PHACTR1: variants seen among roughly 807,000 people sequenced by gnomAD.
PHACTR1 encodes RPEL repeat containing 1.
In PHACTR1, 16 loss-of-function variants were observed where a neutral mutation model predicts 69.2. The observed-to-expected ratio is 0.23, with a 90% CI of 0.16 to 0.35. PHACTR1 has a LOEUF of 0.35. PHACTR1 is among the 10% of genes least tolerant of loss of function. PHACTR1 has a pLI of 1.00. For missense variants in PHACTR1, 510 were observed against 734.7 expected, an observed-to-expected ratio of 0.69 and a Z score of 3.54; for synonymous variants, 312 against 284.5, an observed-to-expected ratio of 1.10 and a Z score of -0.97.
At chr6:12,987,546 G>T (rs142644399) in intron 4 of PHACTR1, among the ~76,000 whole-genome samples, 15 of 152,248 alleles carry the variant, frequency 9.9e-5, no homozygotes, top group African/African-American at 2.9e-4. Flanking sequence ...AGAGATTAAG[G>T]CAGCTTCTAG....
chr6:12,868,749 G>A (rs960884363), intron 4 of PHACTR1, among the ~76,000 whole-genome samples: 86 of 152,092 alleles, frequency 5.7e-4, no homozygotes, highest in African/African-American at 2.0e-3. Context: ...TGTAGCAACA[G>A]TTTATGAAAA....
At chr6:13,248,038 AT>A (rs1356423355) in intron 10 of PHACTR1, among the ~76,000 whole-genome samples, 5 of 152,160 alleles carry the variant, frequency 3.3e-5, no homozygotes, top group Non-Finnish European at 7.4e-5. Context: ...CTGCCTTTAT[AT>A]TCATGGAACT....
At chr6:13,160,405 A>G (rs1174915781) in intron 6 of PHACTR1, 121 bp downstream of exon 6, 2 of 864,462 alleles carry the variant, frequency 2.3e-6, no homozygotes, top group East Asian at 2.5e-5. Context: ...AACCATTAAA[A>G]CTCCAGACAG....
At chr6:13,211,476 G>T (rs1170753236) in intron 8 of PHACTR1, among the ~76,000 whole-genome samples, 2 of 152,120 alleles carry the variant, frequency 1.3e-5, no homozygotes, top group African/African-American at 4.8e-5. Flanking sequence ...CTGTGTTCCA[G>T]TCTCCTATTA....
chr6:12,873,372 C>A (rs1257621579), intron 4 of PHACTR1, among the ~76,000 whole-genome samples: 1 of 151,938 alleles, frequency 6.6e-6, no homozygotes, highest in Non-Finnish European at 1.5e-5. Flanking sequence ...AAGCAATAAA[C>A]ATTTATCAAT....
chr6:12,941,286 A>G (rs1315992446), intron 4 of PHACTR1, among the ~76,000 whole-genome samples: 2 of 152,142 alleles, frequency 1.3e-5, no homozygotes, highest in East Asian at 1.9e-4. Flanking sequence ...CAGGTACTTG[A>G]TATTTAACCT....
At chr6:13,109,814 C>T (rs1223564528) in intron 5 of PHACTR1, among the ~76,000 whole-genome samples, 2 of 148,834 alleles carry the variant, frequency 1.3e-5, no homozygotes, top group Non-Finnish European at 3.0e-5. Context: ...ATCACTTAGC[C>T]TCTGTTCAAT....
At chr6:13,089,459 C>T (rs540186563) in intron 5 of PHACTR1, among the ~76,000 whole-genome samples, 42 of 152,262 alleles carry the variant, frequency 2.8e-4, no homozygotes, top group African/African-American at 9.4e-4. Context: ...TCTCAGTGTG[C>T]AGCCAGGAAT....
At chr6:13,062,584 G>T (rs566854485) in intron 5 of PHACTR1, among the ~76,000 whole-genome samples, 10 of 152,224 alleles carry the variant, frequency 6.6e-5, no homozygotes, top group Admixed American at 3.3e-4. Context: ...TGGACCTGAT[G>T]GTGATAGGCT....
At chr6:13,203,715 T>G (rs1347646174) in intron 7 of PHACTR1, among the ~76,000 whole-genome samples, 1 of 152,006 alleles carries the variant, frequency 6.6e-6, no homozygotes, top group Non-Finnish European at 1.5e-5. Flanking sequence ...TGAGGGAAAG[T>G]GACATGCAAA....
intron 4 of PHACTR1, among the ~76,000 whole-genome samples, chr6:13,037,878 C>T (rs775224693): frequency 6.6e-6 from 1 of 152,112 alleles, no homozygotes; most frequent in African/African-American, 2.4e-5. Context: ...TTAAGAGTTA[C>T]CTTTGACCAG....
intron 4 of PHACTR1, among the ~76,000 whole-genome samples, chr6:13,022,819 C>A (rs1230024659): frequency 6.6e-6 from 1 of 152,004 alleles, no homozygotes; most frequent in Non-Finnish European, 1.5e-5. Context: ...GAATTCGAGA[C>A]CAGCCTGGGC....
At chr6:13,129,699 A>G (rs898185483) in intron 5 of PHACTR1, among the ~76,000 whole-genome samples, 3 of 152,188 alleles carry the variant, frequency 2.0e-5, no homozygotes, top group African/African-American at 7.2e-5. Flanking sequence ...CAGCAACACA[A>G]TAATAGTGGA....
rs1233558187 is a variant in PHACTR1, at chr6:12,867,399, G to A, written c.250+117609G>A. ...AACAATTGAATTACATAATGTACAA[G>A]TTATTCCTATTTGTTATGCTCTTTT... On this transcript the variant is annotated intron_variant, in intron 4 of 14. Transcript: ENST00000332995. 3.3e-5 allele frequency among the ~76,000 whole-genome samples: 5 copies of A among 152,310 alleles called. No individual in the cohort carries two copies. The South Asian group carries it at 8.3e-4, about 25-fold the overall frequency.
chr6:12,932,829 G>T lies in PHACTR1; in HGVS notation c.251-120536G>T, dbSNP rs974935018. ...TTCAGTAAGTTAAACAACTGACCTT[G>T]GTTATGGAGCTTAGAAATGACTGGG... is the stretch of plus-strand genomic sequence containing the variant. On this transcript the variant is annotated intron_variant, in intron 4 of 14. Transcript: ENST00000332995. Among the ~76,000 whole-genome samples, 5 of 152,162 alleles carry T rather than the reference G, an allele frequency of 3.3e-5. No homozygotes were observed. The South Asian group carries it at 8.3e-4, about 25-fold the overall frequency.
intron 7 of PHACTR1, among the ~76,000 whole-genome samples, chr6:13,186,139 C>T (rs951117236): frequency 2.6e-5 from 4 of 152,148 alleles, no homozygotes; most frequent in Non-Finnish European, 4.4e-5. Context: ...TCAAACGGAA[C>T]CATCTAACAT....
chr6:12,862,330 C>T (rs17617491), intron 4 of PHACTR1, among the ~76,000 whole-genome samples: 10,261 of 151,850 alleles, frequency 0.068, 443 homozygotes, highest in Admixed American at 0.1. Context: ...AATGGCCTGA[C>T]CTTGAGCACA....
At chr6:13,021,724 A>C (rs1801005445) in intron 4 of PHACTR1, among the ~76,000 whole-genome samples, 1 of 152,242 alleles carries the variant, frequency 6.6e-6, no homozygotes, top group African/African-American at 2.4e-5. Flanking sequence ...GCCACCCTGC[A>C]GGACTTTTAA....
At chr6:12,996,665 A>G (rs1672458250) in intron 4 of PHACTR1, among the ~76,000 whole-genome samples, 1 of 152,208 alleles carries the variant, frequency 6.6e-6, no homozygotes, top group Non-Finnish European at 1.5e-5. Context: ...TATTTTATAT[A>G]AACTTTTCAA....
Sources: allele counts gnomAD v4.1 joint callset (sites outside exome capture counted in the v4.1 genomes callset), GRCh38; gene constraint gnomAD v4.1.1; transcripts MANE v1.5; gene names NCBI Gene and HGNC (gene_info 2026-07-23, HGNC 2026-07-21).